Variants in LYRM1 observed in about 807,000 individuals in gnomAD.
The protein encoded by LYRM1 is LYR motif-containing protein 1.
LYRM1 carries 14 observed loss-of-function variants against 14.9 expected under a neutral mutation model. The ratio of observed to expected loss-of-function variants is 0.94; its 90% CI spans 0.62 to 1.47. The LOEUF (loss-of-function observed/expected upper bound fraction) is 1.47. LYRM1 is among the 40% of genes most tolerant of loss of function. The pLI, the probability that LYRM1 is intolerant of heterozygous loss-of-function variation, is 0.00. For missense variants in LYRM1, 153 were observed against 149.9 expected (o/e 1.02, Z -0.11); for synonymous variants, 43 against 56.2 (o/e 0.77, Z 1.05).
At chr16:20,921,246 C>G (rs558489890) in intron 3 of LYRM1, 1 of 152,070 alleles carries the variant, frequency 6.6e-6, no homozygotes, top group Non-Finnish European at 1.5e-5. Context: ...TGTGCCACCA[C>G]GCCCAGCTAA....
At chr16:20,918,873 TCA>T (rs1234761997) in intron 2 of LYRM1, among the ~76,000 whole-genome samples, 1 of 152,204 alleles carries the variant, frequency 6.6e-6, no homozygotes, top group African/African-American at 2.4e-5. Context: ...CACAAGGGAC[TCA>T]CAGCTGTGGT....
intron 1 of LYRM1, among the ~76,000 whole-genome samples, chr16:20,904,726 T>TGTGTGTGTGTGTGTGTGTGTG (rs1567442660): frequency 1.3e-5 from 2 of 151,454 alleles, no homozygotes; most frequent in East Asian, 3.9e-4. Flanking sequence ...TGTGTGTGTG[T>TGTGTGTGTGTGTGTGTGTGTG]TTAATTGATA....
intron 2 of LYRM1, among the ~76,000 whole-genome samples, chr16:20,916,391 C>T (rs923880992): frequency 2.0e-5 from 3 of 152,292 alleles, no homozygotes; most frequent in South Asian, 2.1e-4. Context: ...CTTTCACACC[C>T]GACTTCTCTT....
Position 20,924,128 on chromosome 16 carries a change from GT to G in LYRM1, c.*15del. On this transcript the variant is annotated 3_prime_UTR_variant, in exon 4 of 4. Transcript: ENST00000567954. Reference sequence around the variant, plus strand: ...ATGAAGTTTCCTAATCTAGAGGAAAGTTTATTTCTGCAAATGATGAGCCAAC... The same window carrying G: ...ATGAAGTTTCCTAATCTAGAGGAAAGTTATTTCTGCAAATGATGAGCCAAC... The G allele has an allele frequency of 2.1e-6, 3 of 1,435,046 alleles. No homozygotes were observed. Among genetic ancestry groups the G allele is most frequent in the Non-Finnish European group, 1.9e-6 (2 of 1,026,636 alleles). The allele number at this position is 1,435,046 out of a possible 1,614,324, so 88.9% of individuals were successfully genotyped here.
chr16:20,920,337 T>C, intron 3 of LYRM1, 123 bp downstream of exon 3: 1 of 764,966 alleles, frequency 1.3e-6, no homozygotes, highest in Non-Finnish European at 2.3e-6. Flanking sequence ...GGGAGGCATG[T>C]TGGAAATAAG....
chr16:20,913,080 A>G (rs2082682133), intron 1 of LYRM1, among the ~76,000 whole-genome samples: 1 of 149,622 alleles, frequency 6.7e-6, no homozygotes, highest in Non-Finnish European at 1.5e-5. Context: ...AATAATAATA[A>G]TAATAATAAT....
At chr16:20,918,643 CAT>C (rs906383463) in intron 2 of LYRM1, among the ~76,000 whole-genome samples, 6 of 152,152 alleles carry the variant, frequency 3.9e-5, no homozygotes, top group Non-Finnish European at 8.8e-5. Context: ...CCCCCTTAAC[CAT>C]ATCTTTGTCA....
At chr16:20,905,951 T>C (rs780830829) in intron 1 of LYRM1, among the ~76,000 whole-genome samples, 3 of 152,230 alleles carry the variant, frequency 2.0e-5, no homozygotes, top group Non-Finnish European at 4.4e-5. Flanking sequence ...TATCTCAGGA[T>C]GAGAACATAC....
chr16:20,923,116 A>G (rs1191410448), intron 3 of LYRM1, among the ~76,000 whole-genome samples: 1 of 152,138 alleles, frequency 6.6e-6, no homozygotes, highest in African/African-American at 2.4e-5. Context: ...ACTGATTCAA[A>G]TGCTAATCTC....
Position 20,908,870 on chromosome 16 carries a change from T to A in LYRM1, c.1-6686T>A, listed in dbSNP as rs142662933. On this transcript the variant is annotated intron_variant, in intron 1 of 3. Coordinates refer to ENST00000567954, the MANE Select transcript of LYRM1 (RefSeq NM_001128302.3). Reference sequence around the variant, plus strand: ...AGCCAAGACAGACAGAAGTATGACATGGCAAGGCACCTTAGAGCAGTAGCT... The same window carrying A: ...AGCCAAGACAGACAGAAGTATGACAAGGCAAGGCACCTTAGAGCAGTAGCT... 1.5e-3 allele frequency among the ~76,000 whole-genome samples: 230 copies of A among 152,320 alleles called. 1 individual carries two copies. Among genetic ancestry groups the A allele is most frequent in the African/African-American group, 5.3e-3 (222 of 41,584 alleles).
intron 1 of LYRM1, among the ~76,000 whole-genome samples, chr16:20,908,045 A>T (rs992673880): frequency 1.3e-5 from 2 of 152,104 alleles, no homozygotes; most frequent in African/African-American, 4.8e-5. Context: ...CTTGGAAGGG[A>T]AGAGTAAGGC....
Position 20,923,516 on chromosome 16 carries a change from AAG to A in LYRM1, c.253-482_253-481del, listed in dbSNP as rs1555502167. Among the ~76,000 whole-genome samples the A allele has an allele frequency of 1.3e-4, 19 of 150,998 alleles. No homozygotes were observed. In the South Asian group the frequency reaches 2.5e-3, roughly 20 times the overall value. On this transcript the variant is annotated intron_variant, in intron 3 of 3. Transcript: ENST00000567954. ...TGTGTCTCAAAAAAAAAAAAAAAGAAAGAAAGAAAAATTAACCATCCCAGCCA... is the reference window on the plus strand; with the variant it reads ...TGTGTCTCAAAAAAAAAAAAAAAGAAAAAGAAAAATTAACCATCCCAGCCA...
chr16:20,918,326 G>A (rs2083012157), intron 2 of LYRM1, among the ~76,000 whole-genome samples: 1 of 152,188 alleles, frequency 6.6e-6, no homozygotes, highest in African/African-American at 2.4e-5. Flanking sequence ...CGAGGAGTGA[G>A]CCAGAGGGAG....
At chr16:20,917,526 G>A (rs1217767450) in intron 2 of LYRM1, among the ~76,000 whole-genome samples, 8 of 152,176 alleles carry the variant, frequency 5.3e-5, no homozygotes, top group Admixed American at 4.6e-4. Context: ...TTGGGAGGCT[G>A]AGGCTGGTGG....
At chr16:20,903,014 G>A (rs1212004655) in intron 1 of LYRM1, among the ~76,000 whole-genome samples, 1 of 152,182 alleles carries the variant, frequency 6.6e-6, no homozygotes, top group Non-Finnish European at 1.5e-5. Flanking sequence ...AGAAGGCCTG[G>A]GTTTCAATCC....
intron 2 of LYRM1, among the ~76,000 whole-genome samples, chr16:20,918,206 A>T (rs184935412): frequency 1.3e-5 from 2 of 152,304 alleles, no homozygotes; most frequent in African/African-American, 4.8e-5. Context: ...TGGGGATATC[A>T]TAGTACATGC....
chr16:20,919,031 A>G (rs1056848419), intron 2 of LYRM1, among the ~76,000 whole-genome samples: 3 of 152,180 alleles, frequency 2.0e-5, no homozygotes, highest in African/African-American at 7.2e-5. Context: ...TCAGCTTTGA[A>G]GTCCACTTGC....
intron 1 of LYRM1, among the ~76,000 whole-genome samples, chr16:20,907,303 G>A (rs913990197): frequency 4.6e-5 from 7 of 152,182 alleles, no homozygotes; most frequent in Admixed American, 3.9e-4. Context: ...AACCTGTGCT[G>A]GATTCTGTGG....
intron 2 of LYRM1, among the ~76,000 whole-genome samples, chr16:20,917,990 A>G (rs1019282386): frequency 6.6e-6 from 1 of 151,246 alleles, no homozygotes; most frequent in African/African-American, 2.4e-5. Context: ...GATTTAACTG[A>G]CCTCCTCCAG....
Sources: allele counts gnomAD v4.1 joint callset (sites outside exome capture counted in the v4.1 genomes callset), GRCh38; gene constraint gnomAD v4.1.1; transcripts MANE v1.5; gene names NCBI Gene and HGNC (gene_info 2026-07-23, HGNC 2026-07-21).